GABRA3: variants seen among roughly 807,000 people sequenced by gnomAD.
GABRA3 encodes the protein gamma-aminobutyric acid type A receptor subunit alpha3.
A neutral mutation model predicts 30.1 loss-of-function variants in GABRA3; 10 were observed. The ratio of observed to expected loss-of-function variants is 0.33; its 90% CI spans 0.20 to 0.56. The LOEUF is 0.56. GABRA3 is among the 20% of genes least tolerant of loss of function. GABRA3 has a pLI of 0.89. For synonymous variants in GABRA3, 151 were observed against 146.8 expected (o/e 1.03, Z -0.21); for missense variants, 233 against 392.0 (o/e 0.59, Z 3.42).
intron 3 of GABRA3, among the ~76,000 whole-genome samples, chrX:152,306,443 T>C (rs915093301): frequency 8.9e-6 from 1 of 112,353 alleles, no homozygotes; most frequent in Admixed American, 9.4e-5. Flanking sequence ...GGTATCTTTG[T>C]ACAAATAGTA....
chrX:152,208,298 T>A (rs1291228790), intron 6 of GABRA3, among the ~76,000 whole-genome samples, 154 bp from the exon 7 acceptor site: 3 of 112,129 alleles, frequency 2.7e-5, no homozygotes, highest in Non-Finnish European at 5.6e-5. Context: ...CATCCGTCCA[T>A]CCATCCATCC....
chrX:152,294,521 A>C (rs974413106), intron 3 of GABRA3, among the ~76,000 whole-genome samples: 1 of 111,289 alleles, frequency 9.0e-6, no homozygotes, highest in African/African-American at 3.3e-5. Context: ...CTAGTTAGCC[A>C]TTCATCTAAT....
chrX:152,433,293 T>C (rs1395959486), intron 1 of GABRA3, among the ~76,000 whole-genome samples: 1 of 109,262 alleles, frequency 9.2e-6, no homozygotes, highest in Non-Finnish European at 1.9e-5. Context: ...TTAGCCAAAA[T>C]AACAAGAAAA....
chrX:152,260,169 G>T (rs933214990), intron 4 of GABRA3, among the ~76,000 whole-genome samples: 1 of 110,995 alleles, frequency 9.0e-6, no homozygotes, highest in Non-Finnish European at 1.9e-5. Context: ...AGGGGAAGGT[G>T]GAGTAGGAAA....
chrX:152,336,911 G>C (rs1940243043), intron 3 of GABRA3, among the ~76,000 whole-genome samples: 1 of 111,392 alleles, frequency 9.0e-6, no homozygotes, highest in African/African-American at 3.3e-5. Flanking sequence ...CAGAGTCATA[G>C]ATGTCTTCTA....
At chrX:152,224,725 A>T (rs761589039) in intron 6 of GABRA3, 38 bp downstream of exon 6, 1 of 593,094 alleles carries the variant, frequency 1.7e-6, no homozygotes, top group African/African-American at 2.4e-5. Context: ...AAGATCAGGC[A>T]AAAAAAAAAG....
Position 152,182,551 on chromosome X carries a change from T to C in GABRA3, c.1143+7179A>G, listed in dbSNP as rs866466734. ...TATATATGCATATATAGTGTATATATACACTATATATATACTATATATGCA... is the reference window on the plus strand; with the variant it reads ...TATATATGCATATATAGTGTATATACACACTATATATATACTATATATGCA... On this transcript the variant is annotated intron_variant, in intron 9 of 9. Transcript: ENST00000370314. Among the ~76,000 whole-genome samples, 23 of 68,616 alleles carry C rather than the reference T, an allele frequency of 3.4e-4. No individual in the cohort carries two copies. The South Asian group carries it at 5.8e-3, about 17-fold the overall frequency. 59.6% of individuals were successfully genotyped at this position (68,616 alleles called of 115,157 possible). A position where few individuals can be genotyped will look rare whatever the true frequency, so the allele number is the denominator to read the frequency against.
chrX:152,226,225 G>A (rs777788747), intron 5 of GABRA3, among the ~76,000 whole-genome samples: 2 of 111,349 alleles, frequency 1.8e-5, no homozygotes, highest in African/African-American at 6.5e-5. Context: ...TGCTTAACAC[G>A]GTTTTTCTTT....
At chrX:152,288,520 C>A (rs1939337824) in intron 3 of GABRA3, among the ~76,000 whole-genome samples, 1 of 112,213 alleles carries the variant, frequency 8.9e-6, no homozygotes, top group African/African-American at 3.2e-5. Flanking sequence ...CTGCTTAATA[C>A]TATTTCTGAG....
At chrX:152,261,734 C>G (rs1938733401) in intron 4 of GABRA3, among the ~76,000 whole-genome samples, 1 of 111,887 alleles carries the variant, frequency 8.9e-6, no homozygotes, top group African/African-American at 3.2e-5. Flanking sequence ...GTGTCTGTGG[C>G]TTTTCCAGGT....
chrX:152,238,711 T>C (rs1938285885), intron 5 of GABRA3, among the ~76,000 whole-genome samples: 1 of 108,132 alleles, frequency 9.2e-6, no homozygotes, highest in African/African-American at 3.4e-5. Flanking sequence ...TTCTTCCTGG[T>C]TTAGTCTTGG....
At chrX:152,345,250 A>G (rs893388742) in intron 3 of GABRA3, among the ~76,000 whole-genome samples, 2 of 111,471 alleles carry the variant, frequency 1.8e-5, no homozygotes, top group Non-Finnish European at 3.8e-5. Flanking sequence ...CATAAGTTGG[A>G]AATATAGTAA....
intron 7 of GABRA3, among the ~76,000 whole-genome samples, chrX:152,200,372 T>C (rs1420028612): frequency 1.8e-5 from 2 of 112,459 alleles, no homozygotes; most frequent in East Asian, 2.8e-4. Context: ...ACAACCCTTA[T>C]TGAATATGTA....
rs1234710882 is a variant in GABRA3, at chrX:152,166,879, C to G, written c.*1349G>C. 2 of 110,765 alleles carry G rather than the reference C, an allele frequency of 1.8e-5. No homozygotes were observed. Among genetic ancestry groups the G allele is most frequent in the Admixed American group, 1.9e-4 (2 of 10,384 alleles). 9.1% of individuals were successfully genotyped at this position (110,765 alleles called of 1,213,427 possible). A position where few individuals can be genotyped will look rare whatever the true frequency, so the allele number is the denominator to read the frequency against. Reference sequence around the variant, plus strand: ...CTTTGGAAAGGGGCGCACGATAGCTCTTTATTAAAGACACTTGTAAGGAGC... The same window carrying G: ...CTTTGGAAAGGGGCGCACGATAGCTGTTTATTAAAGACACTTGTAAGGAGC... On this transcript the variant is annotated 3_prime_UTR_variant, in exon 10 of 10. Coordinates refer to ENST00000370314, the MANE Select transcript of GABRA3 (RefSeq NM_000808.4).
chrX:152,170,102 G>A (rs1293946885), intron 9 of GABRA3, among the ~76,000 whole-genome samples: 2 of 112,104 alleles, frequency 1.8e-5, no homozygotes, highest in African/African-American at 3.2e-5. Context: ...GCTCACACTC[G>A]GGTGTGGGAG....
chrX:152,451,072 C>A (rs1042409152), intron 1 of GABRA3, 74 bp downstream of exon 1: 1 of 112,086 alleles, frequency 8.9e-6, no homozygotes, highest in African/African-American at 3.2e-5. Context: ...ACTCTCAGTA[C>A]GGGGGAGAGA....
intron 7 of GABRA3, among the ~76,000 whole-genome samples, chrX:152,199,945 G>A (rs1285320992): frequency 9.0e-6 from 1 of 111,161 alleles, no homozygotes; most frequent in Non-Finnish European, 1.9e-5. Context: ...CACTTCTACT[G>A]CTACCACCCT....
chrX:152,263,492 G>A (rs1172444685), intron 4 of GABRA3, among the ~76,000 whole-genome samples: 4 of 110,116 alleles, frequency 3.6e-5, no homozygotes, highest in African/African-American at 1.3e-4. Flanking sequence ...AATAATTATT[G>A]AGCCTGAAGA....
chrX:152,368,859 C>G (rs1055525499), intron 1 of GABRA3, among the ~76,000 whole-genome samples: 1 of 109,019 alleles, frequency 9.2e-6, no homozygotes, highest in Non-Finnish European at 1.9e-5. Context: ...GCACCGGCCA[C>G]CACGCCCAGC....
Sources: allele counts gnomAD v4.1 joint callset (sites outside exome capture counted in the v4.1 genomes callset), GRCh38; gene constraint gnomAD v4.1.1; transcripts MANE v1.5; gene names NCBI Gene and HGNC (gene_info 2026-07-23, HGNC 2026-07-21).